Variants in NLGN1 observed in about 807,000 individuals in gnomAD.
The protein encoded by NLGN1 is neuroligin 1, also known as neuroligin-1.
NLGN1 carries 12 observed loss-of-function variants against 65.5 expected under a neutral mutation model. That is an observed-to-expected ratio of 0.18 (90% CI 0.12 to 0.30). The LOEUF is 0.30. Ranked by LOEUF, NLGN1 falls within the 10% of genes least tolerant of loss-of-function variation. The probability of loss-of-function intolerance (pLI) is 1.00; values close to 1 mark genes in which losing one functional copy is unlikely to be tolerated. For synonymous variants in NLGN1, 350 were observed against 359.5 expected, an observed-to-expected ratio of 0.97 and a Z score of 0.30; for missense variants, 750 against 1,007.1, an observed-to-expected ratio of 0.74 and a Z score of 3.46.
chr3:173,591,385 G>T (rs1748456152), intron 2 of NLGN1, among the ~76,000 whole-genome samples: 1 of 152,140 alleles, frequency 6.6e-6, no homozygotes, highest in Admixed American at 6.6e-5. Context: ...TGGATCACTG[G>T]TTGAGCTCTA....
chr3:174,104,822 T>G (rs962666041), intron 4 of NLGN1, among the ~76,000 whole-genome samples: 3 of 151,910 alleles, frequency 2.0e-5, no homozygotes, highest in Admixed American at 6.6e-5. Flanking sequence ...TTTGGCAGAG[T>G]TTTAGGTTGT....
At chr3:173,657,415 G>T (rs1760227776) in intron 3 of NLGN1, among the ~76,000 whole-genome samples, 1 of 151,866 alleles carries the variant, frequency 6.6e-6, no homozygotes, top group Non-Finnish European at 1.5e-5. Flanking sequence ...TTGTCTTTCT[G>T]CAGTCTAGCT....
intron 2 of NLGN1, among the ~76,000 whole-genome samples, chr3:173,544,456 G>C (rs772438278): frequency 1.3e-5 from 2 of 152,176 alleles, no homozygotes; most frequent in Non-Finnish European, 1.5e-5. Context: ...TATCATGAAT[G>C]GGGAAAAGGA....
At position 173,825,597 on chromosome 3, in the gene NLGN1, C is replaced by A. The variant is rs184309344; in HGVS notation, c.646+17765C>A. 3.3e-5 allele frequency among the ~76,000 whole-genome samples: 5 copies of A among 152,082 alleles called. No individual in the cohort carries two copies. The Middle Eastern group carries it at 0.014, about 414-fold the overall frequency. ...TCTCCAAAGCTCACATAGTTCCCAACGAAATTAGTGGAAGCTTACCTCTAT... is the reference window on the plus strand; with the variant it reads ...TCTCCAAAGCTCACATAGTTCCCAAAGAAATTAGTGGAAGCTTACCTCTAT... On this transcript the variant is annotated intron_variant, in intron 4 of 6. Coordinates refer to ENST00000457714, the Ensembl canonical transcript of NLGN1.
chr3:174,004,255 A>G (rs1439789035), intron 4 of NLGN1, among the ~76,000 whole-genome samples: 3 of 152,150 alleles, frequency 2.0e-5, no homozygotes, highest in Non-Finnish European at 4.4e-5. Context: ...AATACAAACT[A>G]TCAGATAATT....
At chr3:174,226,528 C>T (rs990570091) in intron 4 of NLGN1, among the ~76,000 whole-genome samples, 6 of 152,102 alleles carry the variant, frequency 3.9e-5, no homozygotes, top group Non-Finnish European at 5.9e-5. Flanking sequence ...TATGCCTTTC[C>T]ATATTGCTGC....
chr3:173,490,564 C>G (rs193030660), intron 2 of NLGN1, among the ~76,000 whole-genome samples: 1 of 152,296 alleles, frequency 6.6e-6, no homozygotes, highest in East Asian at 1.9e-4. Context: ...TTAAGATTGA[C>G]TTGGCAATGT....
chr3:174,036,009 T>C (rs1216546840), intron 4 of NLGN1, among the ~76,000 whole-genome samples: 1 of 152,180 alleles, frequency 6.6e-6, no homozygotes, highest in Non-Finnish European at 1.5e-5. Flanking sequence ...ACATGAGTTA[T>C]TATACTTTTA....
At chr3:173,485,104 G>T (rs1322683105) in intron 2 of NLGN1, among the ~76,000 whole-genome samples, 2 of 137,760 alleles carry the variant, frequency 1.5e-5, no homozygotes, top group African/African-American at 5.6e-5. Context: ...ACCTTACTTG[G>T]ATGGCAGCAG....
Position 174,096,879 on chromosome 3 carries a change from C to G in NLGN1, c.647-178436C>G, listed in dbSNP as rs17327045. On this transcript the variant is annotated intron_variant, in intron 4 of 6. Transcript: ENST00000457714. The stretch of plus-strand genomic sequence containing the variant: ...AAACAAAAATTTTCATAAGTGACCT[C>G]AGAAGACAAGGTAACATATTTCTGG... Among the ~76,000 whole-genome samples, 947 of 152,038 alleles carry G rather than the reference C, an allele frequency of 6.2e-3. 5 individuals carry two copies. Among genetic ancestry groups the G allele is most frequent in the Non-Finnish European group, 0.01 (684 of 67,956 alleles).
intron 4 of NLGN1, among the ~76,000 whole-genome samples, chr3:174,073,046 T>G (rs545146134): frequency 1.9e-4 from 29 of 152,190 alleles, no homozygotes; most frequent in Admixed American, 7.2e-4. Context: ...ATCAAATGGC[T>G]TCATTACCTA....
At chr3:173,438,921 G>T (rs903722274) in intron 2 of NLGN1, among the ~76,000 whole-genome samples, 1 of 152,152 alleles carries the variant, frequency 6.6e-6, no homozygotes, top group Non-Finnish European at 1.5e-5. Flanking sequence ...GTTCCTTAAA[G>T]ATAGACTTAT....
chr3:173,589,668 A>T (rs570801449), intron 2 of NLGN1, among the ~76,000 whole-genome samples: 8 of 152,294 alleles, frequency 5.3e-5, no homozygotes, highest in African/African-American at 1.7e-4. Context: ...AGGCAATGAT[A>T]TGAAGGTCTT....
At chr3:173,608,024 T>C (rs551850637) in intron 3 of NLGN1, among the ~76,000 whole-genome samples, 1 of 152,012 alleles carries the variant, frequency 6.6e-6, no homozygotes, top group East Asian at 1.9e-4. Flanking sequence ...CCACATACTA[T>C]TCAAGTCAGT....
chr3:174,023,199 A>G (rs1219455171), intron 4 of NLGN1, among the ~76,000 whole-genome samples: 1 of 152,100 alleles, frequency 6.6e-6, no homozygotes, highest in Non-Finnish European at 1.5e-5. Context: ...GAATGCCAGG[A>G]ATATTCTCTT....
chr3:174,257,101 G>A (rs1164378548), intron 4 of NLGN1, among the ~76,000 whole-genome samples: 1 of 152,092 alleles, frequency 6.6e-6, no homozygotes, highest in East Asian at 1.9e-4. Context: ...CAAAAGACAT[G>A]AACAGGCACT....
At chr3:173,711,828 A>G (rs1242002708) in intron 3 of NLGN1, among the ~76,000 whole-genome samples, 2 of 152,148 alleles carry the variant, frequency 1.3e-5, no homozygotes, top group Non-Finnish European at 2.9e-5. Flanking sequence ...CCTGACTGGC[A>G]ACAAGGCTGT....
At chr3:174,045,423 G>A (rs116790492) in intron 4 of NLGN1, among the ~76,000 whole-genome samples, 190 of 152,182 alleles carry the variant, frequency 1.2e-3, no homozygotes, top group African/African-American at 4.4e-3. Flanking sequence ...TTACTATCGT[G>A]AGAACAGCAT....
chr3:173,817,268 T>G (rs1378960708), intron 4 of NLGN1, among the ~76,000 whole-genome samples: 1 of 152,206 alleles, frequency 6.6e-6, no homozygotes, highest in Non-Finnish European at 1.5e-5. Context: ...CAGCACCTTG[T>G]TAAAGATTTA....
Sources: allele counts gnomAD v4.1 joint callset (sites outside exome capture counted in the v4.1 genomes callset), GRCh38; gene constraint gnomAD v4.1.1; transcripts MANE v1.5; gene names NCBI Gene and HGNC (gene_info 2026-07-23, HGNC 2026-07-21).